The following OXCT1 variants were observed in gnomAD, a reference collection of about 807,000 sequenced individuals.
OXCT1 encodes 3-oxoacid CoA-transferase 1.
In OXCT1, 27 loss-of-function variants were observed where a neutral mutation model predicts 69.6. The ratio of observed to expected loss-of-function variants is 0.39; its 90% CI spans 0.29 to 0.54. The LOEUF is 0.54. Among genes scored for constraint, OXCT1 ranks in the 20% least tolerant of loss-of-function variants. The pLI, the probability that OXCT1 is intolerant of heterozygous loss-of-function variation, is 0.72. For missense variants in OXCT1, 437 were observed against 650.2 expected, an observed-to-expected ratio of 0.67 and a Z score of 3.57; for synonymous variants, 202 against 217.8, an observed-to-expected ratio of 0.93 and a Z score of 0.64.
At chr5:41,843,518 G>C (rs1467274903) in intron 5 of OXCT1, 4 of 455,524 alleles carry the variant, frequency 8.8e-6, no homozygotes, top group Non-Finnish European at 1.8e-5. Flanking sequence ...TATGTTTATT[G>C]CCTTTTAATT....
intron 13 of OXCT1, among the ~76,000 whole-genome samples, chr5:41,767,740 A>C (rs1216401049): frequency 7.8e-6 from 1 of 127,672 alleles, no homozygotes; most frequent in African/African-American, 2.9e-5. Context: ...ATATATATAT[A>C]TATATATATA....
intron 7 of OXCT1, among the ~76,000 whole-genome samples, chr5:41,839,330 C>G (rs1748520365): frequency 6.6e-6 from 1 of 152,144 alleles, no homozygotes; most frequent in Non-Finnish European, 1.5e-5. Context: ...TACAGAAATA[C>G]AGGAAGTCAA....
At chr5:41,763,880 A>C (rs952128961) in intron 13 of OXCT1, among the ~76,000 whole-genome samples, 2 of 152,150 alleles carry the variant, frequency 1.3e-5, no homozygotes, top group Non-Finnish European at 2.9e-5. Flanking sequence ...AGCCTCTAAC[A>C]AGAAGGAAGC....
rs1747308504 is a variant in OXCT1, at chr5:41,817,520, C to T, written c.733-10082G>A. Among the ~76,000 whole-genome samples, 5 of 152,196 alleles carry T rather than the reference C, an allele frequency of 3.3e-5. No individual in the cohort carries two copies. The South Asian group carries it at 1.0e-3, about 31-fold the overall frequency. On this transcript the variant is annotated intron_variant, in intron 7 of 16. Coordinates refer to ENST00000196371, the MANE Select transcript of OXCT1 (RefSeq NM_000436.4). ...CTAATTATTCTGGATATTGAACACT[C>T]TAGATTAATGTCATCTTACTGGACA...
chr5:41,859,891 T>TATATATATATATATATATATA (rs1554019118), intron 3 of OXCT1, among the ~76,000 whole-genome samples: 3 of 114,206 alleles, frequency 2.6e-5, no homozygotes, highest in African/African-American at 3.0e-5. Flanking sequence ...ATATATGTAA[T>TATATATATATATATATATATA]ATATATATAT....
chr5:41,735,848 C>T (rs952485113), intron 16 of OXCT1, among the ~76,000 whole-genome samples: 1 of 152,224 alleles, frequency 6.6e-6, no homozygotes, highest in Non-Finnish European at 1.5e-5. Context: ...TCTTCCTCTT[C>T]ATTGAGGTCT....
intron 7 of OXCT1, among the ~76,000 whole-genome samples, chr5:41,819,624 C>T (rs996123659): frequency 6.6e-6 from 1 of 152,014 alleles, no homozygotes; most frequent in Non-Finnish European, 1.5e-5. Flanking sequence ...CCTGCCTCAG[C>T]CTCCCAAAGT....
At chr5:41,756,468 T>G (rs138342773) in intron 14 of OXCT1, among the ~76,000 whole-genome samples, 35 of 152,196 alleles carry the variant, frequency 2.3e-4, no homozygotes, top group African/African-American at 8.4e-4. Context: ...CTCTATGAAA[T>G]TCTGCCTCTA....
chr5:41,857,139 A>C (rs1749466218), intron 3 of OXCT1, among the ~76,000 whole-genome samples: 1 of 151,648 alleles, frequency 6.6e-6, no homozygotes, highest in African/African-American at 2.4e-5. Context: ...GCCATTTCTC[A>C]CTCTCTCCTT....
chr5:41,738,772 A>G (rs527447735), intron 16 of OXCT1, among the ~76,000 whole-genome samples: 1 of 152,320 alleles, frequency 6.6e-6, no homozygotes, highest in African/African-American at 2.4e-5. Context: ...TTATATTCTC[A>G]GTAATATTCT....
chr5:41,829,135 T>C (rs1270130842), intron 7 of OXCT1, among the ~76,000 whole-genome samples: 2 of 152,092 alleles, frequency 1.3e-5, no homozygotes, highest in Non-Finnish European at 2.9e-5. Flanking sequence ...GGATGAGGAA[T>C]ATGCCCTATT....
chr5:41,732,578 A>G (rs972212169), intron 16 of OXCT1, among the ~76,000 whole-genome samples: 3 of 152,178 alleles, frequency 2.0e-5, no homozygotes, highest in Non-Finnish European at 4.4e-5. Context: ...GGTTCTAGTT[A>G]GTAACAGTCC....
At chr5:41,860,956 TA>T (rs1430495055) in intron 3 of OXCT1, among the ~76,000 whole-genome samples, 2 of 152,096 alleles carry the variant, frequency 1.3e-5, no homozygotes, top group Admixed American at 1.3e-4. Flanking sequence ...AATGATCTAA[TA>T]AATAACATAA....
rs191843835 is a variant in OXCT1, at chr5:41,744,736, T to A, written c.1419+4791A>T. Reference sequence around the variant, plus strand: ...TATTGAGATAATCATGCGGTTTTTGTCATTGGTTCTGACAAAAAAAGGCAG... The same window carrying A: ...TATTGAGATAATCATGCGGTTTTTGACATTGGTTCTGACAAAAAAAGGCAG... On this transcript the variant is annotated intron_variant, in intron 15 of 16. Coordinates refer to ENST00000196371, the MANE Select transcript of OXCT1 (RefSeq NM_000436.4). 3.5e-4 allele frequency among the ~76,000 whole-genome samples: 54 copies of A among 152,230 alleles called. No homozygotes were observed. The East Asian group carries it at 5.8e-3, about 16-fold the overall frequency.
chr5:41,816,132 G>A (rs1041642877), intron 7 of OXCT1, among the ~76,000 whole-genome samples: 5 of 152,096 alleles, frequency 3.3e-5, no homozygotes, highest in Admixed American at 6.6e-5. Context: ...TGTTTAGCAC[G>A]TGCATTAGAA....
At chr5:41,740,591 A>C (rs191167942) in intron 15 of OXCT1, among the ~76,000 whole-genome samples, 131 of 152,330 alleles carry the variant, frequency 8.6e-4, no homozygotes, top group Admixed American at 2.0e-3. Context: ...ACACTTAGAA[A>C]TATAACTCAA....
chr5:41,784,490 G>T (rs1275595046), intron 13 of OXCT1, among the ~76,000 whole-genome samples: 1 of 152,174 alleles, frequency 6.6e-6, no homozygotes, highest in Non-Finnish European at 1.5e-5. Flanking sequence ...AAGGCTTACA[G>T]AATGCTATAC....
chr5:41,799,843 T>G (rs2112252789), intron 11 of OXCT1, among the ~76,000 whole-genome samples: 1 of 152,358 alleles, frequency 6.6e-6, no homozygotes, highest in South Asian at 2.1e-4. Context: ...CCAAAAATTC[T>G]AAGTATCAAA....
chr5:41,746,490 G>T (rs1017306693), intron 15 of OXCT1, among the ~76,000 whole-genome samples: 1 of 152,028 alleles, frequency 6.6e-6, no homozygotes, highest in Admixed American at 6.6e-5. Context: ...CATTCAACAA[G>T]TATTTATTGA....
Sources: allele counts gnomAD v4.1 joint callset (sites outside exome capture counted in the v4.1 genomes callset), GRCh38; gene constraint gnomAD v4.1.1; transcripts MANE v1.5; gene names NCBI Gene and HGNC (gene_info 2026-07-23, HGNC 2026-07-21).